Variants in ARHGEF17 observed in about 807,000 individuals in gnomAD.
ARHGEF17 encodes 164 kDa Rho-specific guanine-nucleotide exchange factor.
ARHGEF17 carries 80 observed loss-of-function variants against 174.0 expected under a neutral mutation model. The observed-to-expected ratio is 0.46, with a 90% CI of 0.38 to 0.55. ARHGEF17 has a LOEUF of 0.55. Ranked by LOEUF, ARHGEF17 falls within the 20% of genes least tolerant of loss-of-function variation. The probability of loss-of-function intolerance (pLI) is 0.00; values close to 1 mark genes in which losing one functional copy is unlikely to be tolerated. For missense variants in ARHGEF17, 2,886 were observed against 2,839.7 expected (o/e 1.02, Z -0.37); for synonymous variants, 1,311 against 1,189.1 (o/e 1.10, Z -2.11).
At position 73,365,811 on chromosome 11, in the gene ARHGEF17, C is replaced by T; in HGVS notation, c.5859C>T (p.Val1953=). 6.2e-7 allele frequency: 1 copy of T among 1,613,572 alleles called. No homozygotes were observed. The highest frequency in any genetic ancestry group is 1.1e-5 in the South Asian group (1 of 91,078). Residue 1953 remains valine (V), a synonymous_variant, in exon 20 of 21, where the codon GTC becomes GTT. Transcript: ENST00000263674. This position sits in a 1 kb window ranked among gnomAD's most constrained non-coding sequence, Gnocchi z 4.9. The part of the protein sequence containing the change: ...VLTMPTSPGT[V]SCPRAPLSPT... ...CCATGCCCACTTCGCCCGGTACTGT[C>T]AGCTGCCCACGGGCACCACTCAGTC...
intron 2 of ARHGEF17, chr11:73,347,216 C>T (rs1427705280): frequency 1.8e-6 from 1 of 561,464 alleles, no homozygotes; most frequent in Non-Finnish European, 3.2e-6. Context: ...TCTTCCACGT[C>T]CCCCTGGCAA....
chr11:73,343,168 C>G, intron 1 of ARHGEF17: 1 of 393,554 alleles, frequency 2.5e-6, no homozygotes, highest in East Asian at 3.6e-5. Context: ...AAGACCCTGG[C>G]CCAGTTCACC....
intron 1 of ARHGEF17, among the ~76,000 whole-genome samples, chr11:73,314,847 G>A (rs1209578694): frequency 6.6e-6 from 1 of 152,046 alleles, no homozygotes; most frequent in East Asian, 1.9e-4. Context: ...TCAAAGTGCA[G>A]AGTCTTGCAG....
At chr11:73,332,785 C>T (rs572468189) in intron 1 of ARHGEF17, among the ~76,000 whole-genome samples, 2 of 152,204 alleles carry the variant, frequency 1.3e-5, no homozygotes, top group East Asian at 3.9e-4. Flanking sequence ...CTTAACTATG[C>T]CTCATCATCT....
chr11:73,351,356 G>T (rs1473929526), intron 2 of ARHGEF17, among the ~76,000 whole-genome samples: 3 of 152,068 alleles, frequency 2.0e-5, no homozygotes, highest in African/African-American at 7.2e-5. Context: ...TACAGCGTAG[G>T]GCCAGTAGAG....
At chr11:73,361,897 G>A (rs1342945126) in intron 12 of ARHGEF17, 143 bp from the exon 13 acceptor site, 5 of 873,264 alleles carry the variant, frequency 5.7e-6, no homozygotes, top group African/African-American at 1.8e-5. Flanking sequence ...GTGTACGCGT[G>A]TGTAGAAGGG....
intron 2 of ARHGEF17, among the ~76,000 whole-genome samples, chr11:73,351,407 A>T (rs1017078094): frequency 2.0e-5 from 3 of 152,178 alleles, no homozygotes; most frequent in Non-Finnish European, 4.4e-5. Context: ...GAGCTGGGCT[A>T]TTAAAGCTAG....
chr11:73,350,476 C>G (rs1300719891), intron 2 of ARHGEF17, among the ~76,000 whole-genome samples: 2 of 152,158 alleles, frequency 1.3e-5, no homozygotes, highest in Non-Finnish European at 2.9e-5. Context: ...CTGTCACCCA[C>G]TAGTCTACAC....
Position 73,320,451 on chromosome 11 carries a change from A to G in ARHGEF17, c.3192+8621A>G, listed in dbSNP as rs529387715. On this transcript the variant is annotated intron_variant, in intron 1 of 20. Coordinates refer to ENST00000263674, the MANE Select transcript of ARHGEF17 (RefSeq NM_014786.4). ...GAGTTCAAGACTCAGCCTGGCCAAT[A>G]TGGTGAAACCCTGTCTCCACTAAAA... is the stretch of plus-strand genomic sequence containing the variant. 2.0e-5 allele frequency among the ~76,000 whole-genome samples: 3 copies of G among 150,598 alleles called. No individual in the cohort carries two copies. The East Asian group carries it at 5.9e-4, about 30-fold the overall frequency.
intron 1 of ARHGEF17, among the ~76,000 whole-genome samples, chr11:73,329,330 TA>T (rs1865154302): frequency 4.8e-4 from 1 of 2,074 alleles, no homozygotes; most frequent in African/African-American, 1.4e-3. Flanking sequence ...TTCATATATA[TA>T]TATATATATA....
intron 9 of ARHGEF17, among the ~76,000 whole-genome samples, chr11:73,358,354 T>G (rs1380685511): frequency 6.6e-6 from 1 of 151,944 alleles, no homozygotes; most frequent in South Asian, 2.1e-4. Flanking sequence ...CTATGTGTCC[T>G]CACTTGGCAA....
intron 1 of ARHGEF17, among the ~76,000 whole-genome samples, chr11:73,317,827 G>A (rs1161355921): frequency 6.6e-6 from 1 of 152,168 alleles, no homozygotes; most frequent in Non-Finnish European, 1.5e-5. Flanking sequence ...CTCAGCCCAT[G>A]AGATGCAGGG....
At chr11:73,314,553 G>C (rs1020929164) in intron 1 of ARHGEF17, among the ~76,000 whole-genome samples, 1 of 152,252 alleles carries the variant, frequency 6.6e-6, no homozygotes, top group African/African-American at 2.4e-5. Flanking sequence ...GAGTCAGCCT[G>C]CAGGGGGTGT....
intron 1 of ARHGEF17, among the ~76,000 whole-genome samples, chr11:73,317,440 G>T (rs1362197127): frequency 6.6e-6 from 1 of 152,214 alleles, no homozygotes; most frequent in African/African-American, 2.4e-5. Context: ...ATGGGATTTG[G>T]CTCCCAGTGT....
chr11:73,349,907 G>C (rs775045417), intron 2 of ARHGEF17, among the ~76,000 whole-genome samples: 4 of 152,140 alleles, frequency 2.6e-5, no homozygotes, highest in Non-Finnish European at 4.4e-5. Flanking sequence ...GAGGACTGAG[G>C]TCTGGCTCCA....
chr11:73,355,886 A>G lies in ARHGEF17; in HGVS notation c.3596A>G (p.Lys1199Arg), dbSNP rs1254600937. The G allele has an allele frequency of 1.2e-6, 2 of 1,614,212 alleles. No individual in the cohort carries two copies. The highest frequency in any genetic ancestry group is 4.5e-5 in the East Asian group (2 of 44,876). ...LEQSMRENKE[K>R]QALSDLMIKP... ...CAAAGCATGCGTGAGAACAAGGAGA[A>G]GCAGGCGCTGTCTGACCTCATGATC... Residue 1199 changes from lysine (K) to arginine (R), a missense_variant, in exon 5 of 21, where the codon AAG becomes AGG. Coordinates refer to ENST00000263674, the MANE Select transcript of ARHGEF17 (RefSeq NM_014786.4).
rs543008912 is a variant in ARHGEF17, at chr11:73,314,763, C to T, written c.3192+2933C>T. On this transcript the variant is annotated intron_variant, in intron 1 of 20. Coordinates refer to ENST00000263674, the MANE Select transcript of ARHGEF17 (RefSeq NM_014786.4). ...CCCCGCCCCTCCCACACTCTTGTTA[C>T]CTCCACTGAGGCCCACTGTAGCCTG... is the stretch of plus-strand genomic sequence containing the variant. 2.6e-5 allele frequency among the ~76,000 whole-genome samples: 4 copies of T among 152,162 alleles called. No homozygotes were observed. The South Asian group carries it at 8.3e-4, about 32-fold the overall frequency.
chr11:73,326,130 G>T (rs1313420146), intron 1 of ARHGEF17, among the ~76,000 whole-genome samples: 9 of 152,228 alleles, frequency 5.9e-5, no homozygotes, highest in Non-Finnish European at 1.0e-4. Flanking sequence ...AGGAGAAGGG[G>T]TTCCTGACCC....
Position 73,309,552 on chromosome 11 carries a change from A to G in ARHGEF17, c.914A>G (p.Asp305Gly). 1 of 1,603,542 alleles carries G rather than the reference A, an allele frequency of 6.2e-7. No homozygotes were observed. Among genetic ancestry groups the G allele is most frequent in the Non-Finnish European group, 8.5e-7 (1 of 1,172,674 alleles). Residue 305 changes from aspartate (D) to glycine (G), a missense_variant, in exon 1 of 21, where the codon GAC (aspartate) becomes GGC (glycine). Physicochemically the swap from Asp to Gly is moderately conservative, Grantham distance 94 (BLOSUM62 -1). Around this residue, in one of 4 missense-constraint regions of ARHGEF17, gnomAD observed 1,728 missense variants for 1,461.2 expected, o/e 1.18. Coordinates refer to ENST00000263674, the MANE Select transcript of ARHGEF17 (RefSeq NM_014786.4). ...LRPGSSLLDQ[D>G]CRPDSDGLNL... Reference sequence around the variant, plus strand: ...CCTGGAAGCTCCCTATTGGATCAGGACTGCAGGCCTGACAGTGATGGGTTA... The same window carrying G: ...CCTGGAAGCTCCCTATTGGATCAGGGCTGCAGGCCTGACAGTGATGGGTTA...
Sources: allele counts gnomAD v4.1 joint callset (sites outside exome capture counted in the v4.1 genomes callset), GRCh38; gene constraint gnomAD v4.1.1; regional missense constraint gnomAD v4.1.1; non-coding constraint Gnocchi (gnomAD v3.1); transcripts MANE v1.5; gene names NCBI Gene and HGNC (gene_info 2026-07-23, HGNC 2026-07-21).